ELF1: variants seen among roughly 807,000 people sequenced by gnomAD.
ELF1 encodes E74 like ETS transcription factor 1.
Under a neutral mutation model 59.9 loss-of-function variants are expected in ELF1, and 24 were observed. The observed-to-expected ratio is 0.40, with a 90% CI of 0.29 to 0.56. The LOEUF (loss-of-function observed/expected upper bound fraction) is 0.56. ELF1 is among the 20% of genes least tolerant of loss of function. The probability of loss-of-function intolerance (pLI) is 0.44; values close to 1 mark genes in which losing one functional copy is unlikely to be tolerated. For missense variants in ELF1, 627 were observed against 742.2 expected (o/e 0.84, Z 1.80); for synonymous variants, 248 against 266.2 (o/e 0.93, Z 0.67).
chr13:40,987,917 TA>T (rs1460696570), intron 1 of ELF1, among the ~76,000 whole-genome samples: 1 of 152,052 alleles, frequency 6.6e-6, no homozygotes, highest in Non-Finnish European at 1.5e-5. Flanking sequence ...AGAAATGCAA[TA>T]TTCGGAAAAA....
chr13:40,940,927 C>G lies in ELF1; in HGVS notation c.1250G>C (p.Ser417Thr), dbSNP rs1045885325. The G allele has an allele frequency of 6.2e-7, 1 of 1,611,368 alleles. No individual in the cohort carries two copies. Among genetic ancestry groups the G allele is most frequent in the Non-Finnish European group, 8.5e-7 (1 of 1,178,448 alleles). ...QDETLNSSVQSIRTIQAPTQV... is the reference protein window; with the variant it reads ...QDETLNSSVQTIRTIQAPTQV... Reference sequence around the variant, plus strand: ...AGTAGTTTGGTTTTCTCACCTAATACTCTGAACGGAAGAATTTAATGTTTC... The same window carrying G: ...AGTAGTTTGGTTTTCTCACCTAATAGTCTGAACGGAAGAATTTAATGTTTC... The change falls in exon 8 of 9, where the codon AGT (serine) becomes ACT (threonine). Residue 417 changes from serine to threonine, a missense_variant. This residue lies in a region of ELF1 where 361 missense variants were observed against 396.1 expected (regional missense o/e 0.91). Coordinates refer to ENST00000239882, the MANE Select transcript of ELF1 (RefSeq NM_172373.4).
chr13:40,979,218 T>TACAC (rs147590741), intron 2 of ELF1, among the ~76,000 whole-genome samples: 60,093 of 150,830 alleles, frequency 0.4, 13,537 homozygotes, highest in East Asian at 0.72. Flanking sequence ...AAAGATACAC[T>TACAC]ACACACACAC....
At chr13:40,940,219 T>C (rs1442258353) in intron 8 of ELF1, among the ~76,000 whole-genome samples, 1 of 152,000 alleles carries the variant, frequency 6.6e-6, no homozygotes, top group Non-Finnish European at 1.5e-5. Flanking sequence ...AACAGAAAAA[T>C]GCTACAAATA....
At chr13:40,971,371 A>C (rs2324744) in intron 2 of ELF1, among the ~76,000 whole-genome samples, 150,169 of 152,212 alleles carry the variant, frequency 0.99, 74,104 homozygotes, top group East Asian at 1. Flanking sequence ...GATCTTCCCA[A>C]CTCAGCCTCC....
Position 40,932,671 on chromosome 13 carries a change from T to C in ELF1, c.*754A>G, listed in dbSNP as rs1311089434. 1.3e-5 allele frequency: 2 copies of C among 152,232 alleles called. No homozygotes were observed. Among genetic ancestry groups the C allele is most frequent in the Non-Finnish European group, 2.9e-5 (2 of 68,046 alleles). 9.4% of individuals were successfully genotyped at this position (152,232 alleles called of 1,614,324 possible). ...AGGAAATAACCTGATAATGATTTAA[T>C]TGACATAACTTGAAAATATAGGTAT... is the stretch of plus-strand genomic sequence containing the variant. On this transcript the variant is annotated 3_prime_UTR_variant, in exon 9 of 9. Coordinates refer to ENST00000239882, the MANE Select transcript of ELF1 (RefSeq NM_172373.4).
Position 41,019,248 on chromosome 13 carries a change from T to C in ELF1, c.-249A>G, listed in dbSNP as rs554194812. 1.0e-6 allele frequency: 1 copy of C among 985,458 alleles called. No individual in the cohort carries two copies. Among genetic ancestry groups the C allele is most frequent in the Middle Eastern group, 5.2e-4 (1 of 1,914 alleles). The allele number at this position is 985,458 out of a possible 1,614,324, so 61.0% of individuals were successfully genotyped here. A position where few individuals can be genotyped will look rare whatever the true frequency, so the allele number is the denominator to read the frequency against. ...GTTACCTTCAAGTATTCTTTCTCTA[T>C]CGTCTTTTGAGCTTGAAAATAAAAA... On this transcript the variant is annotated 5_prime_UTR_variant, in exon 1 of 9. Transcript: ENST00000239882.
At position 40,933,679 on chromosome 13, in the gene ELF1, T is replaced by C; in HGVS notation, c.1606A>G (p.Thr536Ala). ...AGCTGTGAACTGCGAGGAGAAAAGG[T>C]CACCACAGGTGCAGTAGCACTGAAG... ...PSFSATAPVV[T>A]FSPRSSQLVA... Residue 536 changes from threonine to alanine, a missense_variant, in exon 9 of 9, where the codon ACC becomes GCC. Physicochemically the swap from Thr to Ala is moderately conservative, Grantham distance 58. Around this residue, in one of 3 missense-constraint regions of ELF1, gnomAD observed 361 missense variants for 396.1 expected, o/e 0.91. Transcript: ENST00000239882. 1 of 1,614,246 alleles carries C rather than the reference T, an allele frequency of 6.2e-7. No individual in the cohort carries two copies. Among genetic ancestry groups the C allele is most frequent in the Non-Finnish European group, 8.5e-7 (1 of 1,180,050 alleles).
rs869261896 is a variant in ELF1, at chr13:40,987,601, A to AG, written c.-228-5320_-228-5319insC. 1.3e-3 allele frequency among the ~76,000 whole-genome samples: 49 copies of AG among 38,206 alleles called. 1 individual carries two copies. The highest frequency in any genetic ancestry group is 6.6e-3 in the East Asian group (23 of 3,460). The allele number at this position is 38,206 out of a possible 152,430, so 25.1% of individuals were successfully genotyped here. On this transcript the variant is annotated intron_variant, in intron 1 of 8. Transcript: ENST00000239882. ...CTCTGTCTCAAAAAAAAAAAAAAAA[A>AG]AAAGAAAGAAAATTAATAAAGAGAA...
intron 8 of ELF1, among the ~76,000 whole-genome samples, chr13:40,937,731 A>G (rs1869878702): frequency 6.6e-6 from 1 of 152,208 alleles, no homozygotes. Flanking sequence ...GGCCTCCCAC[A>G]GTGCTGGGAT....
chr13:40,982,371 AT>A (rs534131199), intron 1 of ELF1, 89 bp from the exon 2 acceptor site: 16 of 867,750 alleles, frequency 1.8e-5, no homozygotes, highest in Non-Finnish European at 1.8e-5. Context: ...TCGCTAAAGC[AT>A]TTTTTTATTA....
At chr13:41,044,908 T>C (rs1876777221) in intron 1 of ELF1, among the ~76,000 whole-genome samples, 1 of 152,220 alleles carries the variant, frequency 6.6e-6, no homozygotes, top group South Asian at 2.1e-4. Context: ...AATTCGGCTG[T>C]GACTCCATCT....
intron 2 of ELF1, among the ~76,000 whole-genome samples, chr13:40,973,466 C>T (rs1872709011): frequency 6.6e-6 from 1 of 152,072 alleles, no homozygotes; most frequent in Non-Finnish European, 1.5e-5. Context: ...TAAAAAAGGC[C>T]AGTTACACTA....
At chr13:40,979,087 G>GCCTTGTCCCTCTTT (rs1873099957) in intron 2 of ELF1, among the ~76,000 whole-genome samples, 1 of 151,668 alleles carries the variant, frequency 6.6e-6, no homozygotes, top group African/African-American at 2.4e-5. Context: ...ACGTAACACA[G>GCCTTGTCCCTCTTT]ACTTGTCCAT....
intron 1 of ELF1, among the ~76,000 whole-genome samples, chr13:40,998,405 TAGG>T (rs1468881385): frequency 6.6e-6 from 1 of 152,190 alleles, no homozygotes; most frequent in Non-Finnish European, 1.5e-5. Flanking sequence ...GTTTGTGGCC[TAGG>T]AGAACAGGCT....
intron 1 of ELF1, among the ~76,000 whole-genome samples, chr13:41,059,831 G>A (rs1472877148): frequency 6.6e-6 from 1 of 151,980 alleles, no homozygotes; most frequent in African/African-American, 2.4e-5. Flanking sequence ...TCTTTCCCAA[G>A]CCCCACCTCC....
intron 1 of ELF1, among the ~76,000 whole-genome samples, chr13:41,025,233 T>C (rs1177770609): frequency 6.6e-6 from 1 of 152,160 alleles, no homozygotes; most frequent in Admixed American, 6.5e-5. Flanking sequence ...CACTTCCTTA[T>C]CACTGTTCCC....
At position 40,982,242 on chromosome 13, in the gene ELF1, G is replaced by A; in HGVS notation, c.-188C>T. ...TTCATTGATATTCTAGTCAAATTGAGACAATTTTTCTGAAATTTTTCTTCT... is the reference window on the plus strand; with the variant it reads ...TTCATTGATATTCTAGTCAAATTGAAACAATTTTTCTGAAATTTTTCTTCT... On this transcript the variant is annotated 5_prime_UTR_variant, in exon 2 of 9. Transcript: ENST00000239882. The A allele has an allele frequency of 1.6e-6, 2 of 1,272,846 alleles. No individual in the cohort carries two copies. The highest frequency in any genetic ancestry group is 2.0e-6 in the Non-Finnish European group (2 of 1,008,492). The allele number at this position is 1,272,846 out of a possible 1,614,324, so 78.8% of individuals were successfully genotyped here.
intron 1 of ELF1, among the ~76,000 whole-genome samples, chr13:41,013,718 T>C (rs1389906726): frequency 1.3e-5 from 2 of 152,238 alleles, no homozygotes; most frequent in African/African-American, 2.4e-5. Flanking sequence ...TATAATTTTA[T>C]TTAAACTCTA....
At position 40,982,371 on chromosome 13, in the gene ELF1, A is replaced by AT. The variant is rs534131199; in HGVS notation, c.-228-90dup. The AT allele has an allele frequency of 1.1e-4, 92 of 867,846 alleles. No individual in the cohort carries two copies. In the South Asian group the frequency reaches 4.6e-3, roughly 44 times the overall value. The allele number at this position is 867,846 out of a possible 1,614,324, so 53.8% of individuals were successfully genotyped here. Reference sequence around the variant, plus strand: ...ATACAGAGGGCAGTATCGCTAAAGCATTTTTTTATTATTAACGTTTTTAAA... The same window carrying AT: ...ATACAGAGGGCAGTATCGCTAAAGCATTTTTTTTATTATTAACGTTTTTAAA... On this transcript the variant is annotated intron_variant, in intron 1 of 8. Transcript: ENST00000239882.
Sources: allele counts gnomAD v4.1 joint callset (sites outside exome capture counted in the v4.1 genomes callset), GRCh38; gene constraint gnomAD v4.1.1; regional missense constraint gnomAD v4.1.1; transcripts MANE v1.5; gene names NCBI Gene and HGNC (gene_info 2026-07-23, HGNC 2026-07-21).